UNC79: variants seen among roughly 807,000 people sequenced by gnomAD.
UNC79 encodes the protein protein unc-79 homolog.
A neutral mutation model predicts 283.1 loss-of-function variants in UNC79; 37 were observed. The observed-to-expected ratio is 0.13, with a 90% CI of 0.10 to 0.17. The LOEUF (loss-of-function observed/expected upper bound fraction) is 0.17, where lower values mean the gene tolerates loss of function less well. UNC79 is among the 10% of genes least tolerant of loss of function. The pLI is 1.00. For synonymous variants in UNC79, 1,107 were observed against 1,200.2 expected (o/e 0.92, Z 1.61); for missense variants, 2,272 against 3,211.1 (o/e 0.71, Z 7.07).
At position 93,688,120 on chromosome 14, in the gene UNC79, C is replaced by A. The variant is rs1167907359; in HGVS notation, c.6910-545C>A. On this transcript the variant is annotated intron_variant, in intron 43 of 48. Transcript: ENST00000555664. This position sits in a 1 kb window ranked among gnomAD's most constrained non-coding sequence, Gnocchi z 4.0. The stretch of plus-strand genomic sequence containing the variant: ...GCACCTGTAATGTCGTGGCACTGTT[C>A]TAGGCATTGGGGATGCTGTGATGAG... 2.0e-5 allele frequency among the ~76,000 whole-genome samples: 3 copies of A among 152,138 alleles called. No homozygotes were observed. Among genetic ancestry groups the A allele is most frequent in the Non-Finnish European group, 2.9e-5 (2 of 68,026 alleles).
intron 30 of UNC79, among the ~76,000 whole-genome samples, chr14:93,627,051 C>T (rs536982381): frequency 6.6e-6 from 1 of 152,218 alleles, no homozygotes; most frequent in South Asian, 2.1e-4. Context: ...CATGGTGATA[C>T]CCTGTCTCTT....
At chr14:93,558,461 C>T (rs1742425685) in intron 14 of UNC79, among the ~76,000 whole-genome samples, 1 of 151,452 alleles carries the variant, frequency 6.6e-6, no homozygotes, top group African/African-American at 2.4e-5. Context: ...GAGGCTGAGG[C>T]AGGAGAATGG....
intron 11 of UNC79, among the ~76,000 whole-genome samples, chr14:93,536,932 A>C (rs564933030): frequency 6.6e-5 from 10 of 151,950 alleles, no homozygotes; most frequent in Non-Finnish European, 1.2e-4. Context: ...CCTGGATTTG[A>C]TGTTTGCCTT....
intron 4 of UNC79, among the ~76,000 whole-genome samples, chr14:93,487,042 A>G (rs2058476526): frequency 6.6e-6 from 1 of 152,210 alleles, no homozygotes; most frequent in Non-Finnish European, 1.5e-5. Flanking sequence ...AACTAAAAAA[A>G]TGGTTCTCAT....
At chr14:93,485,226 A>G (rs1052534491) in intron 4 of UNC79, among the ~76,000 whole-genome samples, 11 of 139,280 alleles carry the variant, frequency 7.9e-5, no homozygotes, top group South Asian at 7.3e-4. Context: ...ATATATATGT[A>G]TATATATACG....
At position 93,618,202 on chromosome 14, in the gene UNC79, G is replaced by A. The variant is rs201172793; in HGVS notation, c.4235G>A (p.Arg1412Gln). The stretch of plus-strand genomic sequence containing the variant: ...CGTTTCATTGGGCAGTATCCATACC[G>A]AGACTGTGATATCAGCAAGATCCTG... Residue 1412 changes from arginine to glutamine, a missense_variant, in exon 29 of 49, where the codon CGA (arginine) becomes CAA (glutamine). Transcript: ENST00000555664. The A allele has an allele frequency of 1.3e-5, 21 of 1,612,464 alleles. No homozygotes were observed. The highest frequency in any genetic ancestry group is 8.4e-5 in the Admixed American group (5 of 59,792).
At chr14:93,662,525 A>C in intron 39 of UNC79, 79 bp from the exon 43 acceptor site, 1 of 987,102 alleles carries the variant, frequency 1.0e-6, no homozygotes. Context: ...CCATTAGTTA[A>C]AGTATCATAA....
At chr14:93,421,071 C>T (rs2055588861) in intron 1 of UNC79, among the ~76,000 whole-genome samples, 3 of 150,726 alleles carry the variant, frequency 2.0e-5, no homozygotes, top group African/African-American at 7.3e-5. Context: ...CAAACCAAAC[C>T]CAAAATTTTT....
At chr14:93,450,239 A>G (rs1045010006) in intron 1 of UNC79, among the ~76,000 whole-genome samples, 3 of 152,204 alleles carry the variant, frequency 2.0e-5, no homozygotes, top group African/African-American at 7.2e-5. Flanking sequence ...AGGTCAAAGC[A>G]GAAACTTTCT....
At chr14:93,662,196 A>T (rs1270782207) in intron 39 of UNC79, among the ~76,000 whole-genome samples, 1 of 152,188 alleles carries the variant, frequency 6.6e-6, no homozygotes, top group Non-Finnish European at 1.5e-5. Flanking sequence ...GGTGGTTTGC[A>T]CTACTTAACC....
intron 1 of UNC79, among the ~76,000 whole-genome samples, chr14:93,359,143 AG>A (rs2054168366): frequency 6.6e-6 from 1 of 152,208 alleles, no homozygotes. Context: ...TAGTTAAAAA[AG>A]GTTCTAATAG....
At chr14:93,540,575 C>T in intron 12 of UNC79, 85 bp from the exon 13 acceptor site, 1 of 1,474,938 alleles carries the variant, frequency 6.8e-7, no homozygotes. Context: ...TGCTTGAGTA[C>T]TCGTGAGGTA....
At chr14:93,515,264 A>ATG (rs3060596) in intron 7 of UNC79, among the ~76,000 whole-genome samples, 21,612 of 149,578 alleles carry the variant, frequency 0.14, 1,675 homozygotes, top group East Asian at 0.36. Flanking sequence ...CCATATGTAT[A>ATG]TGTGTGTGTG....
intron 7 of UNC79, among the ~76,000 whole-genome samples, chr14:93,503,149 T>C (rs1427013986): frequency 6.6e-6 from 1 of 152,114 alleles, no homozygotes; most frequent in Admixed American, 6.5e-5. Flanking sequence ...TGTTTTAGAA[T>C]TTTATAAAAA....
exon 49 of UNC79, chr14:93,706,710 T>C (rs773785577): frequency 3.1e-6 from 5 of 1,614,204 alleles, no homozygotes; most frequent in Non-Finnish European, 4.2e-6. Flanking sequence ...ACAGCACTTA[T>C]CTGCGGGACT....
At chr14:93,689,253 C>T (rs765990311) in intron 44 of UNC79, 4 of 167,838 alleles carry the variant, frequency 2.4e-5, no homozygotes, top group Admixed American at 1.3e-4. Context: ...CTGGCTCTGC[C>T]TTTTAGGGAG....
chr14:93,528,532 T>C, intron 8 of UNC79, 26 bp from the exon 9 acceptor site: 1 of 1,605,852 alleles, frequency 6.2e-7, no homozygotes, highest in Non-Finnish European at 8.5e-7. Context: ...ACAGGAGAGT[T>C]CATTCTGTCT....
intron 38 of UNC79, among the ~76,000 whole-genome samples, chr14:93,655,799 TA>T (rs1177576546): frequency 6.6e-6 from 1 of 152,180 alleles, no homozygotes; most frequent in East Asian, 1.9e-4. Context: ...TTTAGAGAAT[TA>T]TCTAAAGGGA....
At chr14:93,374,719 T>C (rs2054520888) in intron 1 of UNC79, among the ~76,000 whole-genome samples, 1 of 152,140 alleles carries the variant, frequency 6.6e-6, no homozygotes, top group Non-Finnish European at 1.5e-5. Context: ...TTAAAAAATA[T>C]TATTTTTTAT....
Sources: gnomAD v4.1 joint callset for allele counts (sites outside exome capture counted in the v4.1 genomes callset) on GRCh38, gnomAD v4.1.1 for gene constraint, Gnocchi (gnomAD v3.1) non-coding constraint, MANE v1.5 for transcripts, NCBI Gene and HGNC (gene_info 2026-07-23, HGNC 2026-07-21) for gene names.